CNTNAP5: variants seen among roughly 807,000 people sequenced by gnomAD.
CNTNAP5 encodes the protein contactin-associated protein-like 5.
Under a neutral mutation model 150.2 loss-of-function variants are expected in CNTNAP5, and 72 were observed. That is an observed-to-expected ratio of 0.48 (90% CI 0.40 to 0.58). The LOEUF (loss-of-function observed/expected upper bound fraction) is 0.58, where lower values mean the gene tolerates loss of function less well. Among genes scored for constraint, CNTNAP5 ranks in the 20% least tolerant of loss-of-function variants. The pLI is 0.00. For synonymous variants in CNTNAP5, 672 were observed against 619.8 expected (o/e 1.08, Z -1.25); for missense variants, 1,636 against 1,626.2 (o/e 1.01, Z -0.10).
At chr2:124,517,406 C>T (rs565893092) in intron 8 of CNTNAP5, among the ~76,000 whole-genome samples, 365 of 98,124 alleles carry the variant, frequency 3.7e-3, no homozygotes, top group South Asian at 9.0e-3. Context: ...TTGTTGGTGA[C>T]GGAGGGTTGT....
chr2:124,160,075 AAATCG>A (rs1221001007), intron 1 of CNTNAP5, among the ~76,000 whole-genome samples: 1 of 152,128 alleles, frequency 6.6e-6, no homozygotes, highest in East Asian at 1.9e-4. Flanking sequence ...AAATTATAAG[AAATCG>A]ATTCACATGA....
intron 11 of CNTNAP5, among the ~76,000 whole-genome samples, chr2:124,568,867 A>C (rs1696089781): frequency 6.6e-6 from 1 of 152,074 alleles, no homozygotes; most frequent in Non-Finnish European, 1.5e-5. Context: ...AACACGGTGA[A>C]ACCCCGTCTC....
At chr2:124,822,975 A>G (rs1241263989) in intron 19 of CNTNAP5, among the ~76,000 whole-genome samples, 1 of 152,212 alleles carries the variant, frequency 6.6e-6, no homozygotes, top group Admixed American at 6.5e-5. Flanking sequence ...ATTTGGTCAT[A>G]TGGAGGTGCA....
intron 5 of CNTNAP5, among the ~76,000 whole-genome samples, chr2:124,444,815 C>G (rs540797478): frequency 1.7e-3 from 266 of 152,322 alleles, no homozygotes; most frequent in African/African-American, 5.8e-3. Flanking sequence ...TGCTGCTTCT[C>G]CTGGCCTTGC....
chr2:124,904,809 G>A (rs1276433244), intron 22 of CNTNAP5, among the ~76,000 whole-genome samples: 1 of 151,708 alleles, frequency 6.6e-6, no homozygotes, highest in South Asian at 2.1e-4. Context: ...CTTAATATTG[G>A]TCTTGAAAAT....
At chr2:124,213,306 GA>G (rs1458779376) in intron 1 of CNTNAP5, among the ~76,000 whole-genome samples, 2 of 152,132 alleles carry the variant, frequency 1.3e-5, no homozygotes, top group East Asian at 3.9e-4. Flanking sequence ...CTCTCAGTGA[GA>G]AAACTAATGG....
intron 13 of CNTNAP5, among the ~76,000 whole-genome samples, chr2:124,656,025 A>C (rs1310789733): frequency 2.1e-5 from 3 of 145,220 alleles, no homozygotes; most frequent in African/African-American, 5.0e-5. Context: ...GAAGGAAGGG[A>C]GGGCACACCT....
chr2:124,849,475 C>T (rs1683112662), intron 19 of CNTNAP5, among the ~76,000 whole-genome samples: 1 of 152,108 alleles, frequency 6.6e-6, no homozygotes, highest in Admixed American at 6.5e-5. Flanking sequence ...TGTGATGCCT[C>T]CAGCCTTGTT....
intron 3 of CNTNAP5, among the ~76,000 whole-genome samples, chr2:124,401,479 C>T (rs892287180): frequency 2.0e-5 from 3 of 152,110 alleles, no homozygotes; most frequent in Non-Finnish European, 4.4e-5. Context: ...TACTTATATA[C>T]AAAAGTTCAT....
chr2:124,339,492 C>T (rs1294815329), intron 3 of CNTNAP5, among the ~76,000 whole-genome samples: 1 of 152,014 alleles, frequency 6.6e-6, no homozygotes, highest in Non-Finnish European at 1.5e-5. Flanking sequence ...GTAAACTGGG[C>T]CTTGTAAGGG....
chr2:124,130,458 C>G (rs1440853518), intron 1 of CNTNAP5, among the ~76,000 whole-genome samples: 4 of 151,972 alleles, frequency 2.6e-5, no homozygotes, highest in South Asian at 2.1e-4. Flanking sequence ...GGAATGAGTG[C>G]CCTTTAGCCT....
rs186075710 is a variant in CNTNAP5, at chr2:124,174,045, A to G, written c.83-47660A>G. ...AATGGAACAACAAAACCTGAATGGC[A>G]GCACATCTATCTATAGCATGATTTC... On this transcript the variant is annotated intron_variant, in intron 1 of 23. Transcript: ENST00000682447. 6.6e-3 allele frequency among the ~76,000 whole-genome samples: 1,008 copies of G among 152,006 alleles called. 9 individuals carry two copies. Among genetic ancestry groups the G allele is most frequent in the Non-Finnish European group, 9.3e-3 (629 of 67,984 alleles).
chr2:124,826,022 C>T (rs978384147), intron 19 of CNTNAP5, among the ~76,000 whole-genome samples: 2 of 152,008 alleles, frequency 1.3e-5, no homozygotes, highest in Non-Finnish European at 2.9e-5. Flanking sequence ...GATATGCTTG[C>T]ATTTTAGTAT....
chr2:124,467,696 C>T (rs1010216390), intron 6 of CNTNAP5, among the ~76,000 whole-genome samples: 2 of 152,070 alleles, frequency 1.3e-5, no homozygotes, highest in African/African-American at 4.8e-5. Context: ...TGATAATGGA[C>T]TAAATCTATA....
In CNTNAP5 at chr2:124,212,829, CTTTTTTTTTTTTT is replaced by C. The variant is rs66534077; in HGVS notation, c.83-8861_83-8849del. Among the ~76,000 whole-genome samples the C allele has an allele frequency of 9.5e-5, 6 of 62,872 alleles. No individual in the cohort carries two copies. The East Asian group carries it at 1.5e-3, about 16-fold the overall frequency. 41.2% of individuals were successfully genotyped at this position (62,872 alleles called of 152,430 possible). A position where few individuals can be genotyped will look rare whatever the true frequency, so the allele number is the denominator to read the frequency against. ...TGGGACCTACCATGTGTAGATAAAT[CTTTTTTTTTTTTT>C]TTTTTTTTTTTTTTGAGATGGAGTC... is the stretch of plus-strand genomic sequence containing the variant. On this transcript the variant is annotated intron_variant, in intron 1 of 23. Transcript: ENST00000682447.
At chr2:124,903,384 A>ACAT in intron 22 of CNTNAP5, among the ~76,000 whole-genome samples, 1 of 152,250 alleles carries the variant, frequency 6.6e-6, no homozygotes, top group African/African-American at 2.4e-5. Flanking sequence ...GTGTTTGTAT[A>ACAT]CATAGTCACT....
At chr2:124,904,153 T>C (rs2264250) in intron 22 of CNTNAP5, among the ~76,000 whole-genome samples, 78,776 of 151,344 alleles carry the variant, frequency 0.52, 21,557 homozygotes, top group African/African-American at 0.67. Flanking sequence ...ACACACCAGC[T>C]CCTGACAACC....
chr2:124,636,391 T>C (rs1202255754), intron 12 of CNTNAP5, among the ~76,000 whole-genome samples: 3 of 152,166 alleles, frequency 2.0e-5, no homozygotes, highest in Non-Finnish European at 2.9e-5. Context: ...CCCAGAAATA[T>C]AGACTCTGGT....
chr2:124,298,636 T>A (rs1220241038), intron 3 of CNTNAP5, among the ~76,000 whole-genome samples: 1 of 152,090 alleles, frequency 6.6e-6, no homozygotes, highest in Non-Finnish European at 1.5e-5. Context: ...ATCATGAAGG[T>A]TTGGGGAGTT....
Sources: allele counts gnomAD v4.1 joint callset (sites outside exome capture counted in the v4.1 genomes callset), GRCh38; gene constraint gnomAD v4.1.1; transcripts MANE v1.5; gene names NCBI Gene and HGNC (gene_info 2026-07-23, HGNC 2026-07-21).